The following CDC25C variants were observed in gnomAD, a reference collection of about 807,000 sequenced individuals.
CDC25C encodes the protein M-phase inducer phosphatase 3.
CDC25C carries 48 observed loss-of-function variants against 52.5 expected under a neutral mutation model. The observed-to-expected ratio is 0.91, with a 90% CI of 0.72 to 1.16. The LOEUF (loss-of-function observed/expected upper bound fraction) is 1.16, where lower values mean the gene tolerates loss of function less well. Ranked by LOEUF, CDC25C falls within the 50% of genes most tolerant of loss-of-function variation. CDC25C has a pLI of 0.00. For missense variants in CDC25C, 510 were observed against 566.1 expected, an observed-to-expected ratio of 0.90 and a Z score of 1.01; for synonymous variants, 187 against 206.5, an observed-to-expected ratio of 0.91 and a Z score of 0.81.
chr5:138,303,986 T>C (rs374723026), intron 7 of CDC25C, among the ~76,000 whole-genome samples: 1 of 152,280 alleles, frequency 6.6e-6, no homozygotes, highest in African/African-American at 2.4e-5. Flanking sequence ...GATTGATTGC[T>C]GTATCTGGTG....
intron 7 of CDC25C, among the ~76,000 whole-genome samples, chr5:138,300,939 T>C (rs948857877): frequency 6.6e-6 from 1 of 151,978 alleles, no homozygotes; most frequent in African/African-American, 2.4e-5. Flanking sequence ...AAAAAGGAAA[T>C]TGGAAAGTAT....
intron 7 of CDC25C, among the ~76,000 whole-genome samples, chr5:138,296,108 T>TG (rs2126682088): frequency 6.6e-6 from 1 of 152,348 alleles, no homozygotes; most frequent in East Asian, 1.9e-4. Context: ...GCCTTCATGT[T>TG]GCAGCATCTG....
At chr5:138,322,554 C>A (rs564231014) in intron 6 of CDC25C, among the ~76,000 whole-genome samples, 10 of 143,220 alleles carry the variant, frequency 7.0e-5, no homozygotes, top group African/African-American at 2.6e-4. Flanking sequence ...CGGCTCACTG[C>A]AAGCTCCGCC....
At position 138,287,229 on chromosome 5, in the gene CDC25C, A is replaced by T; in HGVS notation, c.966T>A (p.Ile322=). 1 of 1,613,834 alleles carries T rather than the reference A, an allele frequency of 6.2e-7. No homozygotes were observed. The highest frequency in any genetic ancestry group is 8.5e-7 in the Non-Finnish European group (1 of 1,179,794). Residue 322 remains isoleucine, a synonymous_variant, in exon 11 of 14, where the codon ATT becomes ATA. Coordinates refer to ENST00000323760, the MANE Select transcript of CDC25C (RefSeq NM_001790.5). Reference sequence around the variant, plus strand: ...GACAATCAATGACATAAAACTTCTCAATCAGACCCTGGAACTTCCCCGACA... The same window carrying T: ...GACAATCAATGACATAAAACTTCTCTATCAGACCCTGGAACTTCCCCGACA... ...ALLSGKFQGL[I]EKFYVIDCRY... is the part of the protein sequence containing the mutation.
intron 6 of CDC25C, among the ~76,000 whole-genome samples, chr5:138,322,239 G>A (rs948663899): frequency 6.6e-6 from 1 of 151,338 alleles, no homozygotes; most frequent in Non-Finnish European, 1.5e-5. Context: ...CTGACCTTGT[G>A]ATCCGCCTGC....
At chr5:138,324,247 G>A (rs1321646135) in intron 6 of CDC25C, among the ~76,000 whole-genome samples, 1 of 152,036 alleles carries the variant, frequency 6.6e-6, no homozygotes, top group Non-Finnish European at 1.5e-5. Flanking sequence ...CTCCAGCCTG[G>A]GTGACAGAGT....
At position 138,337,785 on chromosome 5, in the gene CDC25C, G is replaced by C. The variant is rs978633665; in HGVS notation, c.13+171C>G. ...TCCCAGCAGCCTTCACGCCGCGGAC[G>C]GGTCCTTTGCTGGGGGAAGGGGGAT... On this transcript the variant is annotated intron_variant, in intron 1 of 5. Coordinates refer to the CDC25C transcript ENST00000510119. 3 of 391,942 alleles carry C rather than the reference G, an allele frequency of 7.7e-6. 1 individual carries two copies. Among genetic ancestry groups the C allele is most frequent in the South Asian group, 4.1e-5 (2 of 48,934 alleles). 24.3% of individuals were successfully genotyped at this position (391,942 alleles called of 1,614,324 possible).
intron 7 of CDC25C, among the ~76,000 whole-genome samples, chr5:138,309,627 C>G (rs1758292076): frequency 6.6e-6 from 1 of 151,724 alleles, no homozygotes; most frequent in African/African-American, 2.4e-5. Flanking sequence ...AAAATAAAAA[C>G]AACTGCAATC....
intron 7 of CDC25C, among the ~76,000 whole-genome samples, chr5:138,310,047 T>C (rs558360915): frequency 1.1e-4 from 17 of 152,310 alleles, no homozygotes; most frequent in Admixed American, 2.6e-4. Flanking sequence ...TTCTACCTTC[T>C]CAGCAACTTT....
At chr5:138,315,148 G>A (rs562776641) in intron 7 of CDC25C, among the ~76,000 whole-genome samples, 33 of 151,070 alleles carry the variant, frequency 2.2e-4, no homozygotes, top group Middle Eastern at 3.5e-3. Flanking sequence ...TGGCCAGGCA[G>A]CTCTCAAACT....
At chr5:138,326,487 G>A (rs1487813465) in intron 4 of CDC25C, among the ~76,000 whole-genome samples, 2 of 151,800 alleles carry the variant, frequency 1.3e-5, no homozygotes, top group Admixed American at 6.6e-5. Flanking sequence ...GACTACAGGC[G>A]CCTGCAACCA....
chr5:138,338,280 C>T (rs1042317507), exon 1 of CDC25C: 7 of 897,024 alleles, frequency 7.8e-6, no homozygotes, highest in Non-Finnish European at 1.1e-5. Flanking sequence ...CTGCTCCGGC[C>T]GCGGCCCTGG....
intron 6 of CDC25C, among the ~76,000 whole-genome samples, chr5:138,320,460 A>G (rs11745252): frequency 0.13 from 19,357 of 152,204 alleles, 1,680 homozygotes; most frequent in South Asian, 0.23. Context: ...TATGATATAT[A>G]CATACAAAAG....
intron 7 of CDC25C, 45 bp downstream of exon 7, chr5:138,319,174 G>A: frequency 6.7e-7 from 1 of 1,503,706 alleles, no homozygotes; most frequent in Non-Finnish European, 9.1e-7. Flanking sequence ...TTAACAGAAT[G>A]AAGGAATATG....
intron 6 of CDC25C, among the ~76,000 whole-genome samples, chr5:138,324,706 C>A (rs1257274061): frequency 6.6e-6 from 1 of 150,528 alleles, no homozygotes; most frequent in Non-Finnish European, 1.5e-5. Flanking sequence ...TGCAGTGAGC[C>A]GAGATTGCAC....
At chr5:138,318,198 C>T (rs1267727030) in intron 7 of CDC25C, among the ~76,000 whole-genome samples, 2 of 151,976 alleles carry the variant, frequency 1.3e-5, no homozygotes, top group East Asian at 1.9e-4. Context: ...GGCATGATGG[C>T]GTGCTTTGGG....
chr5:138,327,375 G>A (rs895318356), intron 4 of CDC25C, among the ~76,000 whole-genome samples: 10 of 150,672 alleles, frequency 6.6e-5, no homozygotes, highest in Non-Finnish European at 1.3e-4. Flanking sequence ...CAGGACTTTG[G>A]GAGGCCAAGG....
rs777900870 is a variant in CDC25C, at chr5:138,331,217, AG to A, written c.-38del. 20 of 1,595,676 alleles carry A rather than the reference AG, an allele frequency of 1.3e-5. No individual in the cohort carries two copies. The South Asian group carries it at 2.2e-4, about 18-fold the overall frequency. Reference sequence around the variant, plus strand: ...TCTCACCAGGAGAAAAACAAAACCTAGCTAGGAGGAAAACGTCATCTAAATC... The same window carrying A: ...TCTCACCAGGAGAAAAACAAAACCTACTAGGAGGAAAACGTCATCTAAATC... On this transcript the variant is annotated splice_region_variant and 5_prime_UTR_variant, in exon 2 of 14. Transcript: ENST00000323760.
exon 1 of CDC25C, chr5:138,338,234 T>C: frequency 8.2e-7 from 1 of 1,220,966 alleles, no homozygotes; most frequent in Non-Finnish European, 1.1e-6. Flanking sequence ...GCCAGCGCCT[T>C]TTAAGGGCAC....
Sources: allele counts gnomAD v4.1 joint callset (sites outside exome capture counted in the v4.1 genomes callset), GRCh38; gene constraint gnomAD v4.1.1; transcripts MANE v1.5; gene names NCBI Gene and HGNC (gene_info 2026-07-23, HGNC 2026-07-21).